The following PAK4 variants were observed in gnomAD, a reference collection of about 807,000 sequenced individuals.
PAK4 encodes the protein p21 (RAC1) activated kinase 4.
Under a neutral mutation model 53.5 loss-of-function variants are expected in PAK4, and 49 were observed. That is an observed-to-expected ratio of 0.92 (90% CI 0.73 to 1.16). PAK4 has a LOEUF of 1.16. PAK4 is among the 50% of genes most tolerant of loss of function. The pLI, the probability that PAK4 is intolerant of heterozygous loss-of-function variation, is 0.00. For synonymous variants in PAK4, 376 were observed against 375.6 expected (o/e 1.00, Z -0.01); for missense variants, 824 against 850.7 (o/e 0.97, Z 0.39).
At chr19:39,126,724 C>T (rs2073590552) in intron 1 of PAK4, among the ~76,000 whole-genome samples, 2 of 152,080 alleles carry the variant, frequency 1.3e-5, no homozygotes, top group South Asian at 4.1e-4. Flanking sequence ...TCTGGCCGAC[C>T]GCCTCTCAAA....
At chr19:39,155,825 G>A (rs1399013541) in intron 1 of PAK4, among the ~76,000 whole-genome samples, 1 of 152,216 alleles carries the variant, frequency 6.6e-6, no homozygotes, top group Non-Finnish European at 1.5e-5. Flanking sequence ...ATGATGAAAG[G>A]GGCCTGCTGA....
In PAK4 at chr19:39,175,731, C is replaced by G. The variant is rs1337363252; in HGVS notation, c.1359+293C>G. 4.6e-5 allele frequency among the ~76,000 whole-genome samples: 7 copies of G among 152,328 alleles called. No individual in the cohort carries two copies. The highest frequency in any genetic ancestry group is 3.4e-3 in the Middle Eastern group (1 of 294). ...CGCAGCCCCCGCCACAGGCTTCTTCCTCCACTGAAAAGCTGCTCCCTGCCC... is the reference window on the plus strand; with the variant it reads ...CGCAGCCCCCGCCACAGGCTTCTTCGTCCACTGAAAAGCTGCTCCCTGCCC... On this transcript the variant is annotated intron_variant, in intron 6 of 8. Transcript: ENST00000358301. This position sits in a 1 kb window ranked among gnomAD's most constrained non-coding sequence, Gnocchi z 4.7.
intron 1 of PAK4, among the ~76,000 whole-genome samples, chr19:39,155,492 G>A (rs1032121223): frequency 6.6e-6 from 1 of 152,064 alleles, no homozygotes; most frequent in African/African-American, 2.4e-5. Context: ...AAGTGGGGCC[G>A]GAGGGTGAGA....
intron 1 of PAK4, among the ~76,000 whole-genome samples, chr19:39,127,502 A>T (rs535146230): frequency 6.6e-6 from 1 of 151,948 alleles, no homozygotes; most frequent in Non-Finnish European, 1.5e-5. Flanking sequence ...ATTAGGGTGC[A>T]TGGTGGAATT....
chr19:39,156,720 T>G (rs1293903879), intron 1 of PAK4: 1 of 152,176 alleles, frequency 6.6e-6, no homozygotes, highest in African/African-American at 2.4e-5. Context: ...CAGGCAGCCC[T>G]CCTCGGTGGG....
At chr19:39,144,043 A>G (rs1161977349) in intron 1 of PAK4, among the ~76,000 whole-genome samples, 1 of 152,122 alleles carries the variant, frequency 6.6e-6, no homozygotes, top group Non-Finnish European at 1.5e-5. Context: ...AGCAAAACCT[A>G]TGATGATAGA....
chr19:39,144,674 C>T (rs1244466007), intron 1 of PAK4, among the ~76,000 whole-genome samples: 1 of 152,176 alleles, frequency 6.6e-6, no homozygotes, highest in African/African-American at 2.4e-5. Context: ...TGCTTCCCGG[C>T]CTTTGTCTTC....
At position 39,173,121 on chromosome 19, in the gene PAK4, C is replaced by A; in HGVS notation, c.408C>A (p.Gly136=). 6.5e-7 allele frequency: 1 copy of A among 1,547,020 alleles called. No homozygotes were observed. Among genetic ancestry groups the A allele is most frequent in the Non-Finnish European group, 8.7e-7 (1 of 1,145,370 alleles). Residue 136 remains glycine, a synonymous_variant, in exon 3 of 9, where the codon GGC becomes GGA. Transcript: ENST00000358301. The surrounding 1 kb of genome is among the most constrained non-coding windows in gnomAD (Gnocchi z 6.9). ...GCCCAGGGAAGGCAGGCAGCCGAGGCCGGTTCGCCGGTCACAGCGAGGCGG... is the reference window on the plus strand; with the variant it reads ...GCCCAGGGAAGGCAGGCAGCCGAGGACGGTTCGCCGGTCACAGCGAGGCGG...
chr19:39,178,021 C>A lies in PAK4; in HGVS notation c.1620+212C>A, dbSNP rs2074643951. On this transcript the variant is annotated intron_variant, in intron 8 of 8. Coordinates refer to ENST00000358301, the Ensembl canonical transcript of PAK4. The surrounding 1 kb of genome is among the most constrained non-coding windows in gnomAD (Gnocchi z 4.4). ...AGGCAGCAGAGCCACAGGCCCTCTGCACCCTCACCATTGCCCTGGGCCCCA... is the reference window on the plus strand; with the variant it reads ...AGGCAGCAGAGCCACAGGCCCTCTGAACCCTCACCATTGCCCTGGGCCCCA... 1.3e-5 allele frequency among the ~76,000 whole-genome samples: 2 copies of A among 152,112 alleles called. No individual in the cohort carries two copies. The highest frequency in any genetic ancestry group is 4.8e-5 in the African/African-American group (2 of 41,410).
At chr19:39,162,842 G>A (rs779277432) in intron 1 of PAK4, among the ~76,000 whole-genome samples, 4 of 152,084 alleles carry the variant, frequency 2.6e-5, no homozygotes, top group Non-Finnish European at 4.4e-5. Context: ...GGGTGTGATC[G>A]GGTCACTTGT....
At chr19:39,158,176 T>G (rs2074221885) in intron 1 of PAK4, among the ~76,000 whole-genome samples, 1 of 148,870 alleles carries the variant, frequency 6.7e-6, no homozygotes, top group African/African-American at 2.6e-5. Flanking sequence ...TGTTTGTGAG[T>G]GTGCATGTGT....
At chr19:39,146,169 G>A (rs2073995796) in intron 1 of PAK4, among the ~76,000 whole-genome samples, 1 of 152,154 alleles carries the variant, frequency 6.6e-6, no homozygotes, top group Non-Finnish European at 1.5e-5. Flanking sequence ...GCCCTGTCAG[G>A]CTGAGGTCCT....
intron 1 of PAK4, among the ~76,000 whole-genome samples, chr19:39,146,081 G>C (rs1371095255): frequency 1.3e-5 from 2 of 152,224 alleles, no homozygotes; most frequent in Non-Finnish European, 2.9e-5. Flanking sequence ...ATGAGCCTTA[G>C]CTGTTAGTAT....
Position 39,175,085 on chromosome 19 carries a change from C to T in PAK4, c.1232+21C>T. On this transcript the variant is annotated intron_variant, in intron 5 of 8. Transcript: ENST00000358301. This position sits in a 1 kb window ranked among gnomAD's most constrained non-coding sequence, Gnocchi z 4.7. ...ACCAGGTATTTCTGGGGCCTCAGACCCCTCCTGTGACACGACCAAGTCCCC... is the reference window on the plus strand; with the variant it reads ...ACCAGGTATTTCTGGGGCCTCAGACTCCTCCTGTGACACGACCAAGTCCCC... The T allele has an allele frequency of 1.3e-6, 2 of 1,593,098 alleles. No individual in the cohort carries two copies. The highest frequency in any genetic ancestry group is 1.7e-6 in the Non-Finnish European group (2 of 1,169,316).
chr19:39,166,780 G>GC (rs1488503177), intron 1 of PAK4, among the ~76,000 whole-genome samples: 1 of 152,192 alleles, frequency 6.6e-6, no homozygotes, highest in African/African-American at 2.4e-5. Context: ...GGCCTCTGTG[G>GC]CCCCCATGAG....
exon 1 of PAK4, chr19:39,125,820 G>C (rs576117226): frequency 8.9e-4 from 137 of 153,440 alleles, no homozygotes; most frequent in Non-Finnish European, 1.5e-3. Flanking sequence ...GGCGGCGGGA[G>C]TGTCCGCGGT....
chr19:39,175,041 C>G lies in PAK4; in HGVS notation c.1209C>G (p.Leu403=). 6.2e-7 allele frequency: 1 copy of G among 1,612,836 alleles called. No homozygotes were observed. Among genetic ancestry groups the G allele is most frequent in the Non-Finnish European group, 8.5e-7 (1 of 1,179,388 alleles). ...TGGAGTTCCTGGAAGGAGGCGCCCT[C>G]ACCGACATCGTCACCCACACCAGGT... The change falls in exon 5 of 9, where the codon CTC becomes CTG. Residue 403 remains leucine, a synonymous_variant. Transcript: ENST00000358301. The surrounding 1 kb of genome is among the most constrained non-coding windows in gnomAD (Gnocchi z 4.7).
chr19:39,152,812 A>G (rs769461945), intron 1 of PAK4, among the ~76,000 whole-genome samples: 2 of 152,164 alleles, frequency 1.3e-5, no homozygotes, highest in Non-Finnish European at 2.9e-5. Context: ...TACGCCTTGC[A>G]GATAAGGGGA....
In PAK4 at chr19:39,176,586, C is replaced by CCTGGTGA; in HGVS notation, c.1360-3_1360-2insTGGTGAC. 6.2e-7 allele frequency: 1 copy of CCTGGTGA among 1,613,760 alleles called. No individual in the cohort carries two copies. Among genetic ancestry groups the CCTGGTGA allele is most frequent in the East Asian group, 2.2e-5 (1 of 44,890 alleles). On this transcript the variant is annotated splice_region_variant and splice_polypyrimidine_tract_variant and intron_variant, in intron 6 of 8. Coordinates refer to ENST00000358301, the Ensembl canonical transcript of PAK4. ...CTGACCCCACTGCCTCTGCCCTGTC[C>CCTGGTGA]CAGGTGAAGCTGTCAGACTTTGGGT...
Sources: allele counts gnomAD v4.1 joint callset (sites outside exome capture counted in the v4.1 genomes callset), GRCh38; gene constraint gnomAD v4.1.1; non-coding constraint Gnocchi (gnomAD v3.1); transcripts MANE v1.5; gene names NCBI Gene and HGNC (gene_info 2026-07-23, HGNC 2026-07-21).